The following BTG4 variants were observed in gnomAD, a reference collection of about 807,000 sequenced individuals.
The protein encoded by BTG4 is protein BTG4.
Under a neutral mutation model 19.3 loss-of-function variants are expected in BTG4, and 10 were observed. That is an observed-to-expected ratio of 0.52 (90% CI 0.32 to 0.88). The LOEUF (loss-of-function observed/expected upper bound fraction) is 0.88, where lower values mean the gene tolerates loss of function less well. Ranked by LOEUF, BTG4 falls within the 40% of genes least tolerant of loss-of-function variation. BTG4 has a pLI of 0.04. For missense variants in BTG4, 238 were observed against 281.9 expected (o/e 0.84, Z 1.11); for synonymous variants, 91 against 95.7 (o/e 0.95, Z 0.29).
chr11:111,425,897 G>A, the BTG4 span, among the ~76,000 whole-genome samples: 19 of 152,154 alleles, frequency 1.2e-4, no homozygotes, highest in Admixed American at 8.5e-4. Context: ...TGGGCATGGT[G>A]GCACACACCT....
chr11:111,400,607 A>T, the BTG4 span, among the ~76,000 whole-genome samples: 1 of 152,262 alleles, frequency 6.6e-6, no homozygotes, highest in Non-Finnish European at 1.5e-5. Flanking sequence ...GGAAAACTCA[A>T]GAAGAAAGAA....
At chr11:111,442,607 C>A in the BTG4 span, among the ~76,000 whole-genome samples, 27,813 of 149,298 alleles carry the variant, frequency 0.19, 2,614 homozygotes, top group South Asian at 0.27. Flanking sequence ...AAAACAACAA[C>A]AACAACAACA....
At chr11:111,500,849 G>C (rs916549158) in intron 1 of BTG4, among the ~76,000 whole-genome samples, 1 of 152,036 alleles carries the variant, frequency 6.6e-6, no homozygotes, top group Admixed American at 6.6e-5. Flanking sequence ...GAATTTGCAA[G>C]TACTCTTTTT....
At chr11:111,422,917 T>C in the BTG4 span, among the ~76,000 whole-genome samples, 2 of 152,254 alleles carry the variant, frequency 1.3e-5, no homozygotes, top group South Asian at 4.1e-4. Context: ...GCTTTGGTCT[T>C]AGTAAGGCTG....
At chr11:111,471,006 C>A (rs1263028099) in intron 5 of BTG4, among the ~76,000 whole-genome samples, 1 of 152,130 alleles carries the variant, frequency 6.6e-6, no homozygotes, top group Non-Finnish European at 1.5e-5. Flanking sequence ...AAATTTAAGT[C>A]TATGATAAGA....
chr11:111,404,781 T>A, the BTG4 span: 2 of 412,322 alleles, frequency 4.9e-6, no homozygotes, highest in African/African-American at 4.1e-5. Flanking sequence ...AGCTTTGATA[T>A]AAAGACCAGG....
At chr11:111,426,911 A>G in the BTG4 span, among the ~76,000 whole-genome samples, 140,016 of 152,220 alleles carry the variant, frequency 0.92, 64,764 homozygotes, top group East Asian at 1. Flanking sequence ...CTGGGAGCTC[A>G]CCAGCGCCAT....
In BTG4 at chr11:111,498,693, T is replaced by G. The variant is rs763433822; in HGVS notation, c.84A>C (p.Glu28Asp). The G allele has an allele frequency of 6.2e-7, 1 of 1,613,770 alleles. No individual in the cohort carries two copies. The highest frequency in any genetic ancestry group is 1.1e-5 in the South Asian group (1 of 90,988). ...TCGTCATCAGCTTTTCTGCAAAGTC[T>G]TCTATTTGCTGTTTACTTAGTTTAT... ...KHDKLSKQQI[E>D]DFAEKLMTIL... Residue 28 changes from glutamate to aspartate, a missense_variant, in exon 2 of 5, where the codon GAA becomes GAC. By Grantham distance (45) the Glu-to-Asp change is conservative (BLOSUM62 2). Transcript: ENST00000692032.
At chr11:111,499,027 A>G (rs117900703) in intron 1 of BTG4, among the ~76,000 whole-genome samples, 6,470 of 146,184 alleles carry the variant, frequency 0.044, 205 homozygotes, top group Non-Finnish European at 0.068. Context: ...TTTTCAAAGG[A>G]AAAAAAAAAG....
At chr11:111,428,187 T>G in the BTG4 span, among the ~76,000 whole-genome samples, 1 of 152,152 alleles carries the variant, frequency 6.6e-6, no homozygotes, top group East Asian at 1.9e-4. Context: ...TGGGATTTGG[T>G]AGAGTATAGA....
chr11:111,512,922 C>T (rs1278421263), upstream of BTG4: 1 of 444,722 alleles, frequency 2.2e-6, no homozygotes, highest in Non-Finnish European at 4.6e-6. Context: ...CCGGGAGCTG[C>T]AGCCGCGGGT....
the BTG4 span, among the ~76,000 whole-genome samples, chr11:111,443,031 G>A: frequency 6.6e-6 from 1 of 152,208 alleles, no homozygotes; most frequent in South Asian, 2.1e-4. Flanking sequence ...ACCTCAGCCA[G>A]GTGATCAAGG....
chr11:111,389,078 T>C, the BTG4 span, among the ~76,000 whole-genome samples: 1 of 152,216 alleles, frequency 6.6e-6, no homozygotes, highest in African/African-American at 2.4e-5. Flanking sequence ...TGTAGTTTCC[T>C]ATAAAAAGGA....
At chr11:111,471,179 A>C (rs1027514625) in intron 5 of BTG4, among the ~76,000 whole-genome samples, 1 of 152,222 alleles carries the variant, frequency 6.6e-6, no homozygotes, top group African/African-American at 2.4e-5. Flanking sequence ...ACTTTTAGCC[A>C]CATTATTGAA....
the BTG4 span, among the ~76,000 whole-genome samples, chr11:111,424,002 C>T: frequency 6.6e-6 from 1 of 152,094 alleles, no homozygotes; most frequent in African/African-American, 2.4e-5. Context: ...GCCTTAGAAC[C>T]ACCACCACCA....
chr11:111,414,029 G>A, the BTG4 span, among the ~76,000 whole-genome samples: 2 of 152,162 alleles, frequency 1.3e-5, no homozygotes, highest in Non-Finnish European at 2.9e-5. Flanking sequence ...TTCATTCAGC[G>A]AAATGTCAGT....
the BTG4 span, among the ~76,000 whole-genome samples, chr11:111,439,670 C>A: frequency 0.1 from 15,828 of 152,118 alleles, 1,134 homozygotes; most frequent in Non-Finnish European, 0.16. Flanking sequence ...TTTCTGCACA[C>A]TTTGCCTCAT....
chr11:111,451,319 C>T, the BTG4 span: 3 of 427,296 alleles, frequency 7.0e-6, no homozygotes, highest in South Asian at 4.8e-5. Context: ...AGTCCCAGCT[C>T]TATGAGCAAA....
chr11:111,411,755 A>G, the BTG4 span, among the ~76,000 whole-genome samples: 1 of 152,188 alleles, frequency 6.6e-6, no homozygotes, highest in Non-Finnish European at 1.5e-5. Context: ...TGATTTGTTT[A>G]TGTCTGTCTC....
Sources: allele counts gnomAD v4.1 joint callset (sites outside exome capture counted in the v4.1 genomes callset), GRCh38; gene constraint gnomAD v4.1.1; transcripts MANE v1.5; gene names NCBI Gene and HGNC (gene_info 2026-07-23, HGNC 2026-07-21).